NSRP1: variants seen among roughly 807,000 people sequenced by gnomAD.
The protein encoded by NSRP1 is coiled-coil domain containing 55.
NSRP1 carries 24 observed loss-of-function variants against 54.7 expected under a neutral mutation model. The observed-to-expected ratio is 0.44, with a 90% CI of 0.32 to 0.62. The LOEUF is 0.62. Ranked by LOEUF, NSRP1 falls within the 20% of genes least tolerant of loss-of-function variation. The pLI is 0.06. For synonymous variants in NSRP1, 210 were observed against 213.8 expected (o/e 0.98, Z 0.15); for missense variants, 596 against 651.2 (o/e 0.92, Z 0.92).
intron 2 of NSRP1, among the ~76,000 whole-genome samples, chr17:30,165,546 G>A (rs1904699383): frequency 6.6e-6 from 1 of 152,194 alleles, no homozygotes; most frequent in African/African-American, 2.4e-5. Flanking sequence ...ACAAACGTCT[G>A]TTCATTTGGT....
intron 2 of NSRP1, among the ~76,000 whole-genome samples, chr17:30,132,950 G>GTT (rs1313221463): frequency 6.6e-6 from 1 of 152,030 alleles, no homozygotes; most frequent in Non-Finnish European, 1.5e-5. Context: ...ATGTATTTTT[G>GTT]TTTTTTCGAG....
chr17:30,143,965 C>A (rs138189618), intron 2 of NSRP1: 2 of 151,908 alleles, frequency 1.3e-5, no homozygotes, highest in East Asian at 3.9e-4. Flanking sequence ...TACCATGTAC[C>A]CACAAACATT....
chr17:30,155,497 T>A (rs1470835849), intron 2 of NSRP1, among the ~76,000 whole-genome samples: 1 of 152,218 alleles, frequency 6.6e-6, no homozygotes, highest in East Asian at 1.9e-4. Context: ...TGTCTTCCTC[T>A]GGGTCTTCTG....
intron 6 of NSRP1, among the ~76,000 whole-genome samples, chr17:30,181,859 C>T (rs1223221831): frequency 1.3e-5 from 2 of 151,932 alleles, no homozygotes; most frequent in Admixed American, 1.3e-4. Context: ...ATCCACCCGC[C>T]TCGGCCTCCC....
chr17:30,117,823 C>A, intron 1 of NSRP1: 1 of 292,990 alleles, frequency 3.4e-6, no homozygotes, highest in Non-Finnish European at 6.1e-6. Flanking sequence ...CTGAACTTTT[C>A]ATTTACTTCT....
chr17:30,145,616 C>T (rs2071847477), intron 2 of NSRP1, among the ~76,000 whole-genome samples: 1 of 152,098 alleles, frequency 6.6e-6, no homozygotes, highest in Non-Finnish European at 1.5e-5. Flanking sequence ...TGATAAATCA[C>T]TTTCTGAAAT....
At chr17:30,120,387 G>T (rs2071586178) in intron 2 of NSRP1, among the ~76,000 whole-genome samples, 1 of 151,390 alleles carries the variant, frequency 6.6e-6, no homozygotes, top group Non-Finnish European at 1.5e-5. Flanking sequence ...TTTTCAAATG[G>T]AATATTGAGG....
chr17:30,137,317 A>C (rs2071759147), intron 2 of NSRP1, among the ~76,000 whole-genome samples: 2 of 152,124 alleles, frequency 1.3e-5, no homozygotes, highest in South Asian at 4.2e-4. Context: ...TACCAGGTGC[A>C]CCTCCCTGTG....
rs572461267 is a variant in NSRP1, at chr17:30,146,465, G to C, written c.115-26077G>C. On this transcript the variant is annotated intron_variant, in intron 2 of 6. Coordinates refer to ENST00000247026, the MANE Select transcript of NSRP1 (RefSeq NM_032141.4). ...GCTGGTCTCAAACTCCTGGGCTCAA[G>C]TAGTCCTCCCACATTGGCCTCCCAA... Among the ~76,000 whole-genome samples, 246 of 152,264 alleles carry C rather than the reference G, an allele frequency of 1.6e-3. 2 individuals carry two copies. The highest frequency in any genetic ancestry group is 3.1e-3 in the Non-Finnish European group (214 of 68,020).
intron 2 of NSRP1, among the ~76,000 whole-genome samples, chr17:30,118,861 G>C (rs1327930789): frequency 6.7e-6 from 1 of 150,114 alleles, no homozygotes; most frequent in Non-Finnish European, 1.5e-5. Flanking sequence ...CGATTCTCTT[G>C]CCTAATCTTC....
At chr17:30,118,224 A>G in intron 2 of NSRP1, 51 bp downstream of exon 2, 1 of 1,445,060 alleles carries the variant, frequency 6.9e-7, no homozygotes, top group South Asian at 1.1e-5. Flanking sequence ...TAAATTTTTT[A>G]AAAATTGAAC....
At chr17:30,161,609 G>A (rs945133633) in intron 2 of NSRP1, among the ~76,000 whole-genome samples, 2 of 152,176 alleles carry the variant, frequency 1.3e-5, no homozygotes, top group African/African-American at 4.8e-5. Flanking sequence ...ATACAGTATT[G>A]TAAGACAGTT....
At chr17:30,149,224 TA>T (rs895277792) in intron 2 of NSRP1, among the ~76,000 whole-genome samples, 2 of 152,140 alleles carry the variant, frequency 1.3e-5, no homozygotes, top group African/African-American at 4.8e-5. Context: ...AATTTTTACT[TA>T]AAAAAATAGA....
chr17:30,172,659 C>T, intron 3 of NSRP1, 61 bp downstream of exon 3: 2 of 1,404,006 alleles, frequency 1.4e-6, no homozygotes, highest in Non-Finnish European at 2.0e-6. Flanking sequence ...TTTTAAGCAT[C>T]AGTTTTGGTA....
intron 2 of NSRP1, among the ~76,000 whole-genome samples, chr17:30,167,586 G>C (rs1184112577): frequency 1.3e-5 from 2 of 151,964 alleles, no homozygotes; most frequent in Non-Finnish European, 2.9e-5. Flanking sequence ...TCCAGTCTGG[G>C]CAACAGAGTG....
intron 2 of NSRP1, among the ~76,000 whole-genome samples, chr17:30,124,099 C>A (rs951699337): frequency 2.0e-5 from 3 of 150,910 alleles, no homozygotes; most frequent in African/African-American, 7.3e-5. Context: ...ACAGCGAGAC[C>A]CCGTCTCTAT....
Position 30,184,761 on chromosome 17 carries a change from G to T in NSRP1, c.764G>T (p.Ser255Ile). 1 of 1,614,138 alleles carries T rather than the reference G, an allele frequency of 6.2e-7. No homozygotes were observed. Among genetic ancestry groups the T allele is most frequent in the Non-Finnish European group, 8.5e-7 (1 of 1,180,012 alleles). The change falls in exon 7 of 7, where the codon AGT becomes ATT. Residue 255 changes from serine (S) to isoleucine (I), a missense_variant. Transcript: ENST00000247026. ...DADSDFDAKSSADDEIEETRV... is the reference protein window; with the variant it reads ...DADSDFDAKSIADDEIEETRV... ...GACAGTGACTTCGATGCTAAGAGCA[G>T]TGCGGATGATGAAATAGAAGAAACT... is the stretch of plus-strand genomic sequence containing the variant.
At chr17:30,127,484 G>C (rs1354598560) in intron 2 of NSRP1, among the ~76,000 whole-genome samples, 1 of 152,050 alleles carries the variant, frequency 6.6e-6, no homozygotes, top group Non-Finnish European at 1.5e-5. Context: ...GTATGATCAC[G>C]GCTCACTGCA....
At position 30,185,464 on chromosome 17, in the gene NSRP1, C is replaced by G. The variant is rs769455239; in HGVS notation, c.1467C>G (p.Pro489=). 2.5e-6 allele frequency: 4 copies of G among 1,611,858 alleles called. No homozygotes were observed. The highest frequency in any genetic ancestry group is 3.4e-6 in the Non-Finnish European group (4 of 1,179,582). ...ACAAAGAAAGAAACCAAGAGAAACCCTCTAATTCTGAATCATCACTGGGAG... is the reference window on the plus strand; with the variant it reads ...ACAAAGAAAGAAACCAAGAGAAACCGTCTAATTCTGAATCATCACTGGGAG... The part of the protein sequence containing the change: ...AKDKERNQEK[P]SNSESSLGAK... Residue 489 remains proline (P), a synonymous_variant, in exon 7 of 7, where the codon CCC becomes CCG. Transcript: ENST00000247026.
Sources: allele counts gnomAD v4.1 joint callset (sites outside exome capture counted in the v4.1 genomes callset), GRCh38; gene constraint gnomAD v4.1.1; transcripts MANE v1.5; gene names NCBI Gene and HGNC (gene_info 2026-07-23, HGNC 2026-07-21).